Variants in SEMA3E observed in about 807,000 individuals in gnomAD.
The protein encoded by SEMA3E is semaphorin 3E.
Under a neutral mutation model 93.6 loss-of-function variants are expected in SEMA3E, and 49 were observed. The ratio of observed to expected loss-of-function variants is 0.52; its 90% CI spans 0.42 to 0.66. SEMA3E has a LOEUF of 0.66. Among genes scored for constraint, SEMA3E ranks in the 30% least tolerant of loss-of-function variants. The probability of loss-of-function intolerance (pLI) is 0.00; values close to 1 mark genes in which losing one functional copy is unlikely to be tolerated. For synonymous variants in SEMA3E, 363 were observed against 330.7 expected, an observed-to-expected ratio of 1.10 and a Z score of -1.06; for missense variants, 906 against 964.8, an observed-to-expected ratio of 0.94 and a Z score of 0.81.
intron 1 of SEMA3E, among the ~76,000 whole-genome samples, chr7:83,625,251 T>C (rs187160199): frequency 1.4e-3 from 220 of 152,326 alleles, no homozygotes; most frequent in Non-Finnish European, 2.6e-3. Flanking sequence ...CTTTTTCTAA[T>C]TCTGTGAAGA....
chr7:83,521,532 G>A (rs2713137), intron 1 of SEMA3E, among the ~76,000 whole-genome samples: 1,621 of 152,236 alleles, frequency 0.011, 24 homozygotes, highest in African/African-American at 0.037. Flanking sequence ...ATATGGTACT[G>A]TTTTAGTCTG....
intron 1 of SEMA3E, among the ~76,000 whole-genome samples, chr7:83,602,467 A>ATTT (rs2115986657): frequency 6.9e-6 from 1 of 145,922 alleles, no homozygotes; most frequent in South Asian, 2.2e-4. Context: ...GGTCTAAAAT[A>ATTT]CCTGGCATTT....
At chr7:83,557,703 C>T (rs1010444678) in intron 1 of SEMA3E, among the ~76,000 whole-genome samples, 1 of 152,072 alleles carries the variant, frequency 6.6e-6, no homozygotes, top group Non-Finnish European at 1.5e-5. Context: ...ATATATTCCT[C>T]CTTCCTACCG....
intron 1 of SEMA3E, among the ~76,000 whole-genome samples, chr7:83,631,165 T>C (rs1793777978): frequency 6.6e-6 from 1 of 152,120 alleles, no homozygotes; most frequent in African/African-American, 2.4e-5. Context: ...TTCTGTTTAT[T>C]TTAGCCATGA....
intron 1 of SEMA3E, among the ~76,000 whole-genome samples, chr7:83,640,939 G>A (rs1189032145): frequency 1.3e-5 from 2 of 151,764 alleles, no homozygotes; most frequent in Admixed American, 1.3e-4. Flanking sequence ...AGGAGGAGAG[G>A]AAGAAGAGAA....
chr7:83,444,672 C>CTT (rs1789187935), intron 4 of SEMA3E, among the ~76,000 whole-genome samples: 7 of 90,658 alleles, frequency 7.7e-5, no homozygotes, highest in South Asian at 5.1e-4. Flanking sequence ...GAATATTCAG[C>CTT]ATTTTTTTTT....
chr7:83,630,088 G>T (rs750178249), intron 1 of SEMA3E, among the ~76,000 whole-genome samples: 9 of 152,112 alleles, frequency 5.9e-5, no homozygotes, highest in Non-Finnish European at 1.2e-4. Flanking sequence ...ACCCCACCCT[G>T]CTTCGGCTCA....
intron 2 of SEMA3E, among the ~76,000 whole-genome samples, chr7:83,482,396 C>T (rs1452070212): frequency 6.6e-6 from 1 of 151,618 alleles, no homozygotes; most frequent in East Asian, 1.9e-4. Context: ...GAAATCCCGT[C>T]TCTACTAAAA....
chr7:83,525,239 A>G (rs1001103062), intron 1 of SEMA3E, among the ~76,000 whole-genome samples: 1 of 152,050 alleles, frequency 6.6e-6, no homozygotes, highest in Non-Finnish European at 1.5e-5. Context: ...AGCAATATTA[A>G]TCCCTGAAAA....
chr7:83,631,976 A>T (rs921392381), intron 1 of SEMA3E, among the ~76,000 whole-genome samples: 2 of 151,944 alleles, frequency 1.3e-5, no homozygotes, highest in Admixed American at 6.6e-5. Flanking sequence ...AACAACATGG[A>T]GAAACCCCAT....
Position 83,432,220 on chromosome 7 carries a change from C to T in SEMA3E, c.457-13737G>A, listed in dbSNP as rs1305345002. On this transcript the variant is annotated intron_variant, in intron 4 of 16. Transcript: ENST00000643230. The stretch of plus-strand genomic sequence containing the variant: ...TACCAGGCTCTGAATAAATCCCTGA[C>T]CCACAGAATCCATTACTATTAAAAA... 2.0e-5 allele frequency among the ~76,000 whole-genome samples: 3 copies of T among 151,920 alleles called. No homozygotes were observed. The East Asian group carries it at 5.8e-4, about 29-fold the overall frequency.
intron 1 of SEMA3E, among the ~76,000 whole-genome samples, chr7:83,627,783 G>A (rs10251747): frequency 0.018 from 2,668 of 152,002 alleles, 79 homozygotes; most frequent in African/African-American, 0.059. Flanking sequence ...TTGCCAGTCT[G>A]TGTCTTTTAA....
chr7:83,478,114 G>T (rs910543969), intron 2 of SEMA3E, among the ~76,000 whole-genome samples: 1 of 151,982 alleles, frequency 6.6e-6, no homozygotes, highest in Non-Finnish European at 1.5e-5. Flanking sequence ...GTAGAGATAG[G>T]GTTTCTCCAT....
intron 1 of SEMA3E, among the ~76,000 whole-genome samples, chr7:83,540,538 T>C (rs1242446909): frequency 6.6e-6 from 1 of 152,320 alleles, no homozygotes; most frequent in African/African-American, 2.4e-5. Flanking sequence ...TCTAAAAATA[T>C]GGAATAATTT....
chr7:83,559,452 C>A (rs1791983014), intron 1 of SEMA3E, among the ~76,000 whole-genome samples: 1 of 151,900 alleles, frequency 6.6e-6, no homozygotes, highest in Non-Finnish European at 1.5e-5. Flanking sequence ...ATTCAGATGA[C>A]AAATGAGCAA....
At chr7:83,520,400 T>C (rs1791019464) in intron 1 of SEMA3E, among the ~76,000 whole-genome samples, 1 of 152,122 alleles carries the variant, frequency 6.6e-6, no homozygotes, top group South Asian at 2.1e-4. Flanking sequence ...ATTTTCTCCC[T>C]TTCTCCATTC....
intron 4 of SEMA3E, among the ~76,000 whole-genome samples, chr7:83,464,840 A>G (rs1281077094): frequency 6.7e-6 from 1 of 148,512 alleles, no homozygotes; most frequent in Non-Finnish European, 1.5e-5. Flanking sequence ...CCTGAGAAAC[A>G]TCGCCCATTC....
intron 1 of SEMA3E, among the ~76,000 whole-genome samples, chr7:83,611,577 T>G (rs1426315127): frequency 6.6e-6 from 1 of 151,414 alleles, no homozygotes; most frequent in Non-Finnish European, 1.5e-5. Context: ...ATCTTCCAGC[T>G]GTTCAGGCCA....
intron 2 of SEMA3E, among the ~76,000 whole-genome samples, chr7:83,473,270 C>T (rs78273319): frequency 0.014 from 2,195 of 152,206 alleles, 27 homozygotes; most frequent in Non-Finnish European, 0.022. Flanking sequence ...TCCTCAGAGA[C>T]CTTAGTTAAG....
Sources: allele counts gnomAD v4.1 joint callset (sites outside exome capture counted in the v4.1 genomes callset), GRCh38; gene constraint gnomAD v4.1.1; transcripts MANE v1.5; gene names NCBI Gene and HGNC (gene_info 2026-07-23, HGNC 2026-07-21).